The following PHACTR3 variants were observed in gnomAD, a reference collection of about 807,000 sequenced individuals.
PHACTR3 encodes protein phosphatase 1, regulatory subunit 123.
PHACTR3 carries 16 observed loss-of-function variants against 66.8 expected under a neutral mutation model. That is an observed-to-expected ratio of 0.24 (90% CI 0.16 to 0.36). The LOEUF (loss-of-function observed/expected upper bound fraction) is 0.36. Among genes scored for constraint, PHACTR3 ranks in the 10% least tolerant of loss-of-function variants. The probability of loss-of-function intolerance (pLI) is 1.00; values close to 1 mark genes in which losing one functional copy is unlikely to be tolerated. For missense variants in PHACTR3, 647 were observed against 719.9 expected (o/e 0.90, Z 1.16); for synonymous variants, 323 against 292.1 (o/e 1.11, Z -1.08).
At chr20:59,780,923 C>A (rs761145102) in intron 7 of PHACTR3, among the ~76,000 whole-genome samples, 6 of 152,162 alleles carry the variant, frequency 3.9e-5, no homozygotes, top group Admixed American at 2.0e-4. Context: ...GCTCAGTGAG[C>A]GTTCTGGTTG....
intron 8 of PHACTR3, among the ~76,000 whole-genome samples, chr20:59,812,327 A>G (rs771301242): frequency 6.6e-6 from 1 of 152,222 alleles, no homozygotes; most frequent in Non-Finnish European, 1.5e-5. Flanking sequence ...GCATGTTCAT[A>G]CAGCAGTTAG....
At position 59,806,211 on chromosome 20, in the gene PHACTR3, G is replaced by A. The variant is rs370097075; in HGVS notation, c.1328+17G>A. The A allele has an allele frequency of 1.4e-4, 230 of 1,611,718 alleles. 4 individuals are homozygous for A. The highest frequency in any genetic ancestry group is 1.4e-3 in the South Asian group (129 of 90,588). ...GCTTTCCAAGTAAGTGGCAGCTTGC[G>A]GGCACAGCCGGGCCTGTGCTCTGGC... On this transcript the variant is annotated intron_variant, in intron 8 of 12. Coordinates refer to ENST00000371015, the MANE Select transcript of PHACTR3 (RefSeq NM_080672.5).
At chr20:59,650,740 C>CA (rs34879994) in intron 1 of PHACTR3, among the ~76,000 whole-genome samples, 22,393 of 61,014 alleles carry the variant, frequency 0.37, 2,843 homozygotes, top group Middle Eastern at 0.45. Context: ...GCGTTGATAG[C>CA]AAAAAAAAAA....
rs199615265 is a variant in PHACTR3 at position 59,719,174 on chromosome 20, C to CT, written c.119-23924dup. 7.3e-3 allele frequency among the ~76,000 whole-genome samples: 1,108 copies of CT among 151,464 alleles called. 10 individuals carry two copies. The highest frequency in any genetic ancestry group is 0.025 in the African/African-American group (1,013 of 41,312). On this transcript the variant is annotated intron_variant, in intron 1 of 12. Coordinates refer to ENST00000371015, the MANE Select transcript of PHACTR3 (RefSeq NM_080672.5). ...CCCTTTCTCTTATTCTTAGCTTTTT[C>CT]TTTTTTTTTGAAACAGAATCTCACT...
chr20:59,605,802 G>C (rs1192714408), intron 1 of PHACTR3, among the ~76,000 whole-genome samples: 1 of 146,306 alleles, frequency 6.8e-6, no homozygotes, highest in East Asian at 2.2e-4. Context: ...CGTCTATAGG[G>C]CTTGATTGAT....
chr20:59,636,792 T>C (rs1421296761), intron 1 of PHACTR3, among the ~76,000 whole-genome samples: 1 of 152,200 alleles, frequency 6.6e-6, no homozygotes, highest in African/African-American at 2.4e-5. Context: ...AATACAGTGA[T>C]GAAAAATACA....
In PHACTR3 at chr20:59,736,342, A is replaced by C. The variant is rs2038942977; in HGVS notation, c.119-6765A>C. Among the ~76,000 whole-genome samples the C allele has an allele frequency of 6.6e-6, 1 of 152,116 alleles. No individual in the cohort carries two copies. Among genetic ancestry groups the C allele is most frequent in the Non-Finnish European group, 1.5e-5 (1 of 67,992 alleles). On this transcript the variant is annotated intron_variant, in intron 1 of 12. Coordinates refer to ENST00000371015, the MANE Select transcript of PHACTR3 (RefSeq NM_080672.5). The surrounding 1 kb of genome is among the most constrained non-coding windows in gnomAD (Gnocchi z 4.6). The stretch of plus-strand genomic sequence containing the variant: ...CAGAGTCTCTCCAGTGTGAGAAGGC[A>C]GTTCCTCAGGAACTGCAGGGAGAGA...
intron 1 of PHACTR3, among the ~76,000 whole-genome samples, chr20:59,591,651 C>T (rs1280031701): frequency 1.3e-5 from 2 of 151,974 alleles, no homozygotes; most frequent in South Asian, 2.1e-4. Context: ...TGGCTGGTCT[C>T]ACCCGTTGAG....
At chr20:59,814,650 C>T (rs1201287161) in intron 8 of PHACTR3, among the ~76,000 whole-genome samples, 1 of 152,174 alleles carries the variant, frequency 6.6e-6, no homozygotes, top group Admixed American at 6.5e-5. Context: ...TTTTCTTCTA[C>T]ACTATCTTCC....
At chr20:59,712,277 C>T (rs184691360) in intron 1 of PHACTR3, among the ~76,000 whole-genome samples, 126 of 152,236 alleles carry the variant, frequency 8.3e-4, no homozygotes, top group African/African-American at 2.1e-3. Context: ...TTCTGCTATG[C>T]GTTGCATTGT....
rs147472549 is a variant in PHACTR3 at position 59,838,110 on chromosome 20, A to T, written c.1384+1550A>T. On this transcript the variant is annotated intron_variant, in intron 9 of 12. Coordinates refer to ENST00000371015, the MANE Select transcript of PHACTR3 (RefSeq NM_080672.5). ...TGGCCATGGCAATCCCGCCATAAACACTGTGCCTTCATCAGTGAATGTAGG... is the reference window on the plus strand; with the variant it reads ...TGGCCATGGCAATCCCGCCATAAACTCTGTGCCTTCATCAGTGAATGTAGG... 7.4e-3 allele frequency among the ~76,000 whole-genome samples: 1,130 copies of T among 152,272 alleles called. 15 individuals are homozygous for T. The highest frequency in any genetic ancestry group is 0.026 in the African/African-American group (1,065 of 41,532).
In PHACTR3 at chr20:59,750,702, G is replaced by T. The variant is rs548855830; in HGVS notation, c.358+2867G>T. On this transcript the variant is annotated intron_variant, in intron 3 of 12. Transcript: ENST00000371015. ...AGTGGGTGGGATCTGCGAGGAGCCC[G>T]AGTGTCTCTGCAGGGAAATATCAGG... is the stretch of plus-strand genomic sequence containing the variant. Among the ~76,000 whole-genome samples, 10 of 152,290 alleles carry T rather than the reference G, an allele frequency of 6.6e-5. No individual in the cohort carries two copies. In the East Asian group the frequency reaches 1.9e-3, roughly 29 times the overall value.
chr20:59,588,293 C>T (rs139514332), intron 1 of PHACTR3, among the ~76,000 whole-genome samples: 1 of 152,232 alleles, frequency 6.6e-6, no homozygotes, highest in Non-Finnish European at 1.5e-5. Context: ...TAAAAAGACC[C>T]GGTTGAATAT....
chr20:59,614,187 C>T (rs76833718), intron 1 of PHACTR3, among the ~76,000 whole-genome samples: 5 of 152,338 alleles, frequency 3.3e-5, no homozygotes, highest in South Asian at 2.1e-4. Flanking sequence ...TACTGGAAAG[C>T]GGTCCTCTGT....
At chr20:59,786,785 C>A (rs1474174722) in intron 7 of PHACTR3, among the ~76,000 whole-genome samples, 1 of 150,466 alleles carries the variant, frequency 6.6e-6, no homozygotes, top group African/African-American at 2.5e-5. Context: ...TCTCTCTGTG[C>A]AGTTGACAGG....
intron 8 of PHACTR3, among the ~76,000 whole-genome samples, chr20:59,808,625 G>A (rs937589516): frequency 5.3e-5 from 8 of 152,228 alleles, no homozygotes; most frequent in African/African-American, 1.9e-4. Context: ...GAGCGCCAGT[G>A]CCTCTGTTGG....
At chr20:59,612,268 C>T (rs1238052673) in intron 1 of PHACTR3, among the ~76,000 whole-genome samples, 3 of 152,124 alleles carry the variant, frequency 2.0e-5, no homozygotes, top group Non-Finnish European at 2.9e-5. Context: ...CCGGGACTTC[C>T]GCTGTGGGAG....
At chr20:59,640,755 T>G (rs2035072757) in intron 1 of PHACTR3, among the ~76,000 whole-genome samples, 1 of 152,196 alleles carries the variant, frequency 6.6e-6, no homozygotes, top group Admixed American at 6.5e-5. Flanking sequence ...AGAAGGGCAG[T>G]GCTATTTTAG....
At chr20:59,615,723 A>G (rs757727549) in intron 1 of PHACTR3, among the ~76,000 whole-genome samples, 28 of 152,268 alleles carry the variant, frequency 1.8e-4, no homozygotes, top group Non-Finnish European at 3.5e-4. Context: ...AGTCTTGTGT[A>G]GTGGTGAAGA....
Sources: gnomAD v4.1 joint callset for allele counts (sites outside exome capture counted in the v4.1 genomes callset) on GRCh38, gnomAD v4.1.1 for gene constraint, Gnocchi (gnomAD v3.1) non-coding constraint, MANE v1.5 for transcripts, NCBI Gene and HGNC (gene_info 2026-07-23, HGNC 2026-07-21) for gene names.